Variants in EPN1 observed in about 807,000 individuals in gnomAD.
The protein encoded by EPN1 is epsin 1, also known as epsin-1.
In EPN1, 25 loss-of-function variants were observed where a neutral mutation model predicts 56.9. The observed-to-expected ratio is 0.44, with a 90% CI of 0.32 to 0.61. The LOEUF (loss-of-function observed/expected upper bound fraction) is 0.61, where lower values mean the gene tolerates loss of function less well. EPN1 is among the 20% of genes least tolerant of loss of function. The pLI, the probability that EPN1 is intolerant of heterozygous loss-of-function variation, is 0.05. For synonymous variants in EPN1, 411 were observed against 361.8 expected (o/e 1.14, Z -1.54); for missense variants, 785 against 823.7 (o/e 0.95, Z 0.58).
rs1453007479 is a variant in EPN1, at chr19:55,697,868, ACT to A, written c.*2515_*2516del. On this transcript the variant is annotated 3_prime_UTR_variant, in exon 11 of 11. Transcript: ENST00000270460. Reference sequence around the variant, plus strand: ...GGGCTCCCCCCACTGTGTGTGTATCACTCTTTCTACAGCAGATGTGTCTCTCT... The same window carrying A: ...GGGCTCCCCCCACTGTGTGTGTATCACTTTCTACAGCAGATGTGTCTCTCT... The A allele has an allele frequency of 6.6e-6, 1 of 151,368 alleles. No individual in the cohort carries two copies. The highest frequency in any genetic ancestry group is 1.5e-5 in the Non-Finnish European group (1 of 67,890). The allele number at this position is 151,368 out of a possible 1,614,324, so 9.4% of individuals were successfully genotyped here. A position where few individuals can be genotyped will look rare whatever the true frequency, so the allele number is the denominator to read the frequency against.
intron 3 of EPN1, 101 bp downstream of exon 3, chr19:55,685,746 G>T: frequency 7.0e-7 from 1 of 1,433,716 alleles, no homozygotes; most frequent in Non-Finnish European, 9.4e-7. Context: ...CAGCCAGGAG[G>T]GACCGCGGCA....
chr19:55,692,031 C>T lies in EPN1; in HGVS notation c.1040C>T (p.Thr347Met), dbSNP rs772170929. 39 of 1,461,130 alleles carry T rather than the reference C, an allele frequency of 2.7e-5. No individual in the cohort carries two copies. Among genetic ancestry groups the T allele is most frequent in the African/African-American group, 5.7e-5 (4 of 70,132 alleles). 90.5% of individuals were successfully genotyped at this position (1,461,130 alleles called of 1,614,324 possible). ...TPAPAAGEGPTPDPWGSSDGG... is the reference protein window; with the variant it reads ...TPAPAAGEGPMPDPWGSSDGG... ...GCCCCTGCAGCTGGGGAGGGGCCCA[C>T]GCCTGATCCATGGGGAAGTTCCGAT... The change falls in exon 7 of 11, where the codon ACG (threonine) becomes ATG (methionine). Residue 347 changes from threonine to methionine, a missense_variant. Transcript: ENST00000270460.
At position 55,692,996 on chromosome 19, in the gene EPN1, A is replaced by G; in HGVS notation, c.1223A>G (p.Asp408Gly). ...GAGCCCGACGAGTTCTCTGACTTTG[A>G]CCGACTCCGCACGGCACTGCCGACC... ...DTEPDEFSDF[D>G]RLRTALPTSG... The change falls in exon 9 of 11, where the codon GAC (aspartate) becomes GGC (glycine). Residue 408 changes from aspartate to glycine, a missense_variant. Physicochemically the swap from Asp to Gly is moderately conservative, Grantham distance 94. Transcript: ENST00000270460. The G allele has an allele frequency of 6.2e-7, 1 of 1,613,378 alleles. No individual in the cohort carries two copies. The highest frequency in any genetic ancestry group is 1.1e-5 in the South Asian group (1 of 91,064).
rs1231893267 is a variant in EPN1, at chr19:55,691,695, T to A, written c.763-59T>A. The A allele has an allele frequency of 6.5e-7, 1 of 1,527,536 alleles. No homozygotes were observed. Among genetic ancestry groups the A allele is most frequent in the Non-Finnish European group, 9.0e-7 (1 of 1,115,716 alleles). The allele number at this position is 1,527,536 out of a possible 1,614,324, so 94.6% of individuals were successfully genotyped here. ...TCCCCCGCCACGGGCCCCAGCTTGG[T>A]CCCTGTCCCAGGCTTCCCACCACTT... On this transcript the variant is annotated intron_variant, in intron 6 of 10. Transcript: ENST00000270460. This position sits in a 1 kb window ranked among gnomAD's most constrained non-coding sequence, Gnocchi z 5.6.
Position 55,681,318 on chromosome 19 carries a change from CTG to C in EPN1, c.228+2465_228+2466del, listed in dbSNP as rs1399928118. Among the ~76,000 whole-genome samples, 3 of 152,296 alleles carry C rather than the reference CTG, an allele frequency of 2.0e-5. No homozygotes were observed. The East Asian group carries it at 5.8e-4, about 29-fold the overall frequency. Reference sequence around the variant, plus strand: ...AGGAAGTTCTTTTTCTCCTTTTCCTCTGTTTTCCAGATGAGGGAACTGAGACA... The same window carrying C: ...AGGAAGTTCTTTTTCTCCTTTTCCTCTTTTCCAGATGAGGGAACTGAGACA... On this transcript the variant is annotated intron_variant, in intron 2 of 10. Transcript: ENST00000270460.
chr19:55,693,737 G>C (rs1986731372), intron 9 of EPN1, among the ~76,000 whole-genome samples: 1 of 152,162 alleles, frequency 6.6e-6, no homozygotes, highest in South Asian at 2.1e-4. Flanking sequence ...ACAGAAACCT[G>C]TTTCCACTGA....
rs1987143029 is a variant in EPN1 at position 55,701,566 on chromosome 19, C to G, written c.*6210C>G. ...CTCCCCTTTCCCGGACTATTCTGAC[C>G]CCAGCAGTTCTCAGAAGGAGCTGAC... On this transcript the variant is annotated 3_prime_UTR_variant, in exon 11 of 11. Transcript: ENST00000270460. 6.6e-6 allele frequency: 1 copy of G among 152,064 alleles called. No individual in the cohort carries two copies. Among genetic ancestry groups the G allele is most frequent in the Admixed American group, 6.6e-5 (1 of 15,254 alleles). 9.4% of individuals were successfully genotyped at this position (152,064 alleles called of 1,614,324 possible).
Position 55,708,972 on chromosome 19 carries a change from C to T in EPN1, c.*13616C>T, listed in dbSNP as rs753313511. On this transcript the variant is annotated 3_prime_UTR_variant, in exon 11 of 11. Transcript: ENST00000270460. ...CAATCCAAGGTCCATGTGAAATGGT[C>T]AGATGGGGAATTTTTTCTTCCACAG... The T allele has an allele frequency of 1.9e-6, 3 of 1,592,478 alleles. No homozygotes were observed.
rs145192073 is a variant in EPN1, at chr19:55,690,224, A to G, written c.762+274A>G. Among the ~76,000 whole-genome samples the G allele has an allele frequency of 2.6e-3, 397 of 152,312 alleles. 3 individuals carry two copies. Among genetic ancestry groups the G allele is most frequent in the Admixed American group, 6.3e-3 (97 of 15,310 alleles). On this transcript the variant is annotated intron_variant, in intron 6 of 10. Transcript: ENST00000270460. ...ACCGTGAGGGCCACCACCGGCCGCC[A>G]CAGCTGAATGGGGAGGCCCAGAATA...
rs532582106 is a variant in EPN1, at chr19:55,704,914, C to T, written c.*9558C>T. On this transcript the variant is annotated 3_prime_UTR_variant, in exon 11 of 11. Transcript: ENST00000270460. ...GATCCGTAGAATGGTAGACATCATCCACTTCCCAAGCATCTCTGGCTGAAT... is the reference window on the plus strand; with the variant it reads ...GATCCGTAGAATGGTAGACATCATCTACTTCCCAAGCATCTCTGGCTGAAT... 6.6e-6 allele frequency: 1 copy of T among 152,368 alleles called. No homozygotes were observed. The highest frequency in any genetic ancestry group is 1.9e-4 in the East Asian group (1 of 5,186). The allele number at this position is 152,368 out of a possible 1,614,324, so 9.4% of individuals were successfully genotyped here.
At chr19:55,693,582 C>T (rs1347327021) in intron 9 of EPN1, among the ~76,000 whole-genome samples, 4 of 152,178 alleles carry the variant, frequency 2.6e-5, no homozygotes, top group South Asian at 2.1e-4. Flanking sequence ...AGTGGCTCTT[C>T]GTCAGGAGTG....
rs190641857 is a variant in EPN1 at position 55,677,518 on chromosome 19, G to A, written c.-101-1009G>A. The stretch of plus-strand genomic sequence containing the variant: ...TTGAGTCTGCCCTGCCATTCCTGGT[G>A]TGTGACCTTGGTTGAATTATTTAAC... On this transcript the variant is annotated intron_variant, in intron 1 of 10. Coordinates refer to ENST00000270460, the MANE Select transcript of EPN1 (RefSeq NM_001130072.2). 3.0e-5 allele frequency: 39 copies of A among 1,307,178 alleles called. No individual in the cohort carries two copies. The East Asian group carries it at 3.6e-4, about 12-fold the overall frequency. 81.0% of individuals were successfully genotyped at this position (1,307,178 alleles called of 1,614,324 possible). A position where few individuals can be genotyped will look rare whatever the true frequency, so the allele number is the denominator to read the frequency against.
chr19:55,679,066 C>T (rs1985628836), intron 2 of EPN1, among the ~76,000 whole-genome samples: 1 of 152,224 alleles, frequency 6.6e-6, no homozygotes, highest in Non-Finnish European at 1.5e-5. Flanking sequence ...GTGAGTGGTG[C>T]GTACGTAAGA....
rs1016690531 is a variant in EPN1 at position 55,705,472 on chromosome 19, A to C, written c.*10116A>C. 1.3e-5 allele frequency: 2 copies of C among 152,094 alleles called. No individual in the cohort carries two copies. The highest frequency in any genetic ancestry group is 2.4e-5 in the African/African-American group (1 of 41,396). 9.4% of individuals were successfully genotyped at this position (152,094 alleles called of 1,614,324 possible). ...AGACCAGCCTGGCCAACATGACAAA[A>C]TCACCATCTCTACTAAAAATACAAA... On this transcript the variant is annotated 3_prime_UTR_variant, in exon 11 of 11. Transcript: ENST00000270460.
chr19:55,709,115 A>C lies in EPN1; in HGVS notation c.*13759A>C. Reference sequence around the variant, plus strand: ...CACAGTATTGCCTCTCTACATTCTGATGTCTACCTCTCCTCTCCTCTTTAT... The same window carrying C: ...CACAGTATTGCCTCTCTACATTCTGCTGTCTACCTCTCCTCTCCTCTTTAT... On this transcript the variant is annotated 3_prime_UTR_variant, in exon 11 of 11. Transcript: ENST00000270460. 9.3e-7 allele frequency: 1 copy of C among 1,074,536 alleles called. No homozygotes were observed. Among genetic ancestry groups the C allele is most frequent in the South Asian group, 1.7e-5 (1 of 59,300 alleles). The allele number at this position is 1,074,536 out of a possible 1,614,324, so 66.6% of individuals were successfully genotyped here.
rs543522513 is a variant in EPN1, at chr19:55,685,285, T to C, written c.229-111T>C. On this transcript the variant is annotated intron_variant, in intron 2 of 10. Transcript: ENST00000270460. ...TGTGTGTCCACCCACTGGCGACAGG[T>C]GGGTTGTGGGCCTTGCGCCCAGTCG... is the stretch of plus-strand genomic sequence containing the variant. 19 of 1,371,838 alleles carry C rather than the reference T, an allele frequency of 1.4e-5. No individual in the cohort carries two copies. The African/African-American group carries it at 2.6e-4, about 19-fold the overall frequency. 85.0% of individuals were successfully genotyped at this position (1,371,838 alleles called of 1,614,324 possible). A position where few individuals can be genotyped will look rare whatever the true frequency, so the allele number is the denominator to read the frequency against.
chr19:55,687,578 TAGG>T (rs1488789372), intron 3 of EPN1, among the ~76,000 whole-genome samples: 1 of 151,816 alleles, frequency 6.6e-6, no homozygotes, highest in African/African-American at 2.4e-5. Context: ...CCCTAGAGCT[TAGG>T]AGGAAGTCAC....
At position 55,704,422 on chromosome 19, in the gene EPN1, A is replaced by C. The variant is rs1003491523; in HGVS notation, c.*9066A>C. On this transcript the variant is annotated 3_prime_UTR_variant, in exon 11 of 11. Coordinates refer to ENST00000270460, the MANE Select transcript of EPN1 (RefSeq NM_001130072.2). ...TGGGTCCTAATCCAATCTGACTGTT[A>C]TATAGTGGGGTTGCACCTTCATGTG... is the stretch of plus-strand genomic sequence containing the variant. 6.6e-6 allele frequency: 1 copy of C among 152,188 alleles called. No homozygotes were observed. The highest frequency in any genetic ancestry group is 2.4e-5 in the African/African-American group (1 of 41,432). The allele number at this position is 152,188 out of a possible 1,614,324, so 9.4% of individuals were successfully genotyped here.
intron 7 of EPN1, 77 bp from the exon 8 acceptor site, chr19:55,692,609 T>G: frequency 1.0e-6 from 1 of 981,236 alleles, no homozygotes; most frequent in African/African-American, 1.7e-5. Flanking sequence ...CAGCCACAGA[T>G]TTGGAGGCAA....
Sources: allele counts gnomAD v4.1 joint callset (sites outside exome capture counted in the v4.1 genomes callset), GRCh38; gene constraint gnomAD v4.1.1; non-coding constraint Gnocchi (gnomAD v3.1); transcripts MANE v1.5; gene names NCBI Gene and HGNC (gene_info 2026-07-23, HGNC 2026-07-21).